Variants in CELF2 observed in about 807,000 individuals in gnomAD.
The protein encoded by CELF2 is CUG triplet repeat RNA-binding protein 2.
CELF2 carries 8 observed loss-of-function variants against 62.6 expected under a neutral mutation model. That is an observed-to-expected ratio of 0.13 (90% confidence interval 0.07 to 0.23). The LOEUF (loss-of-function observed/expected upper bound fraction) is 0.23. Ranked by LOEUF, CELF2 falls within the 10% of genes least tolerant of loss-of-function variation. The probability of loss-of-function intolerance (pLI) is 1.00; values close to 1 mark genes in which losing one functional copy is unlikely to be tolerated. For synonymous variants in CELF2, 258 were observed against 250.0 expected (o/e 1.03, Z -0.30); for missense variants, 333 against 671.0 (o/e 0.50, Z 5.56).
rs143617768 is a variant in CELF2 at position 10,880,306 on chromosome 10, G to A, written c.54-39658G>A. Among the ~76,000 whole-genome samples, 273 of 152,234 alleles carry A rather than the reference G, an allele frequency of 1.8e-3. 2 individuals are homozygous for A. Among genetic ancestry groups the A allele is most frequent in the South Asian group, 0.013 (62 of 4,826 alleles). On this transcript the variant is annotated intron_variant, in intron 1 of 13. Coordinates refer to the CELF2 transcript ENST00000636488. Reference sequence around the variant, plus strand: ...TTTTCTCCCATGCCTGCTGTTAAGGGGGCCCACGTTATAGTTTCTGCTGTC... The same window carrying A: ...TTTTCTCCCATGCCTGCTGTTAAGGAGGCCCACGTTATAGTTTCTGCTGTC...
chr10:10,673,134 A>G, the CELF2 span, among the ~76,000 whole-genome samples: 3 of 152,114 alleles, frequency 2.0e-5, no homozygotes, highest in African/African-American at 7.2e-5. Context: ...TTCACTTTAT[A>G]TAACTTTACC....
chr10:10,777,730 C>T, the CELF2 span, among the ~76,000 whole-genome samples: 1 of 152,180 alleles, frequency 6.6e-6, no homozygotes, highest in Non-Finnish European at 1.5e-5. Context: ...TGGTCCTCTA[C>T]ACTAGCCCCC....
At chr10:10,963,539 G>A (rs2049789181) in intron 2 of CELF2, among the ~76,000 whole-genome samples, 1 of 152,200 alleles carries the variant, frequency 6.6e-6, no homozygotes, top group Admixed American at 6.5e-5. Context: ...CTAGAGAAAT[G>A]CATGTGAAGA....
the CELF2 span, among the ~76,000 whole-genome samples, chr10:10,732,921 C>A: frequency 6.6e-6 from 1 of 152,136 alleles, no homozygotes; most frequent in African/African-American, 2.4e-5. Context: ...GAGAGCCCAC[C>A]CTGAAACTCC....
chr10:10,661,484 G>C, the CELF2 span, among the ~76,000 whole-genome samples: 1 of 152,144 alleles, frequency 6.6e-6, no homozygotes, highest in East Asian at 1.9e-4. Flanking sequence ...TCTTGTCCAA[G>C]GCCTTTTGAA....
rs1438010336 is a variant in CELF2, at chr10:11,098,704, A to G, written c.75-66782A>G. 6.6e-6 allele frequency among the ~76,000 whole-genome samples: 1 copy of G among 152,188 alleles called. No individual in the cohort carries two copies. Among genetic ancestry groups the G allele is most frequent in the Admixed American group, 6.5e-5 (1 of 15,284 alleles). On this transcript the variant is annotated intron_variant, in intron 1 of 12. Coordinates refer to ENST00000633077, the MANE Select transcript of CELF2 (RefSeq NM_001326342.2). This position sits in a 1 kb window ranked among gnomAD's most constrained non-coding sequence, Gnocchi z 4.0. ...TCTGTAGAAATAACAAAGGCCCTGG[A>G]TACAGTAGAATGTCTGGCCTTACTT...
At chr10:10,726,210 G>C in the CELF2 span, among the ~76,000 whole-genome samples, 2 of 152,146 alleles carry the variant, frequency 1.3e-5, no homozygotes, top group Admixed American at 6.5e-5. Context: ...TCCAGATTCA[G>C]AATTTACTCC....
intron 2 of CELF2, among the ~76,000 whole-genome samples, chr10:11,204,077 A>G (rs1186755712): frequency 6.6e-6 from 1 of 152,198 alleles, no homozygotes; most frequent in East Asian, 1.9e-4. Flanking sequence ...ATCATCGTTA[A>G]CATTATCCCC....
chr10:10,553,118 A>G, the CELF2 span, among the ~76,000 whole-genome samples: 2 of 152,234 alleles, frequency 1.3e-5, no homozygotes, highest in African/African-American at 4.8e-5. Flanking sequence ...AGGGCAAGGT[A>G]GGCCTCAGCA....
Position 11,242,639 on chromosome 10 carries a change from C to G in CELF2, c.355-6514C>G, listed in dbSNP as rs1352228926. ...TTGAGAAATGGCTTTGCTCCAAAGT[C>G]GTACTCTCATTTTCATTTTCATGAG... On this transcript the variant is annotated intron_variant, in intron 3 of 12. Coordinates refer to ENST00000633077, the MANE Select transcript of CELF2 (RefSeq NM_001326342.2). This position sits in a 1 kb window ranked among gnomAD's most constrained non-coding sequence, Gnocchi z 4.8. Among the ~76,000 whole-genome samples the G allele has an allele frequency of 3.9e-5, 6 of 152,188 alleles. No homozygotes were observed. Among genetic ancestry groups the G allele is most frequent in the Non-Finnish European group, 8.8e-5 (6 of 68,038 alleles).
At chr10:10,546,405 A>C in the CELF2 span, among the ~76,000 whole-genome samples, 1 of 152,192 alleles carries the variant, frequency 6.6e-6, no homozygotes. Flanking sequence ...GGTTAACTGG[A>C]ACTAGTTAGT....
chr10:10,816,102 T>C (rs1220097957), intron 1 of CELF2, among the ~76,000 whole-genome samples: 2 of 152,224 alleles, frequency 1.3e-5, no homozygotes, highest in African/African-American at 2.4e-5. Context: ...CTCCAGCCTG[T>C]AACATAAAAG....
the CELF2 span, among the ~76,000 whole-genome samples, chr10:10,565,235 G>A: frequency 1.3e-5 from 2 of 152,220 alleles, no homozygotes; most frequent in African/African-American, 4.8e-5. Context: ...CACTGAACAA[G>A]TCCCTTGCAG....
the CELF2 span, among the ~76,000 whole-genome samples, chr10:10,606,694 T>C: frequency 6.6e-6 from 1 of 152,312 alleles, no homozygotes; most frequent in East Asian, 1.9e-4. Flanking sequence ...CCTTTATGAG[T>C]TGTACCTTAA....
intron 2 of CELF2, chr10:10,925,284 A>G (rs1454919302): frequency 6.6e-6 from 1 of 152,126 alleles, no homozygotes; most frequent in Non-Finnish European, 1.5e-5. Context: ...TGTCTTCTTT[A>G]TAATCCCTAG....
intron 1 of CELF2, among the ~76,000 whole-genome samples, chr10:10,891,690 G>A (rs531321915): frequency 2.0e-4 from 30 of 152,218 alleles, no homozygotes; most frequent in East Asian, 7.7e-4. Flanking sequence ...CGGCTGCTTC[G>A]CTGTTTATTA....
chr10:11,235,791 T>C (rs1480634825), intron 3 of CELF2, among the ~76,000 whole-genome samples: 2 of 146,980 alleles, frequency 1.4e-5, no homozygotes, highest in African/African-American at 2.5e-5. Context: ...CATTTATTTT[T>C]AGGAGAGAAG....
At chr10:11,278,591 CAG>C (rs1174537968) in intron 8 of CELF2, among the ~76,000 whole-genome samples, 16 of 152,246 alleles carry the variant, frequency 1.1e-4, no homozygotes, top group African/African-American at 3.9e-4. Context: ...GATCATATAA[CAG>C]AAAAACAAGG....
At chr10:10,489,900 T>C in the CELF2 span, among the ~76,000 whole-genome samples, 1 of 151,922 alleles carries the variant, frequency 6.6e-6, no homozygotes, top group East Asian at 1.9e-4. Flanking sequence ...TGAGTACAGG[T>C]TTGGGGGGAG....
Sources: allele counts gnomAD v4.1 joint callset (sites outside exome capture counted in the v4.1 genomes callset), GRCh38; gene constraint gnomAD v4.1.1; non-coding constraint Gnocchi (gnomAD v3.1); transcripts MANE v1.5; gene names NCBI Gene and HGNC (gene_info 2026-07-23, HGNC 2026-07-21).